The following MYRFL variants were observed in gnomAD, a reference collection of about 807,000 sequenced individuals.
The protein encoded by MYRFL is myelin regulatory factor like, also known as myelin regulatory factor-like protein.
In MYRFL, 88 loss-of-function variants were observed where a neutral mutation model predicts 109.4. That is an observed-to-expected ratio of 0.80 (90% CI 0.68 to 0.96). The LOEUF is 0.96. Among genes scored for constraint, MYRFL ranks in the 40% least tolerant of loss-of-function variants. The probability of loss-of-function intolerance (pLI) is 0.00; values close to 1 mark genes in which losing one functional copy is unlikely to be tolerated. For missense variants in MYRFL, 957 were observed against 954.9 expected, an observed-to-expected ratio of 1.00 and a Z score of -0.03; for synonymous variants, 324 against 320.9, an observed-to-expected ratio of 1.01 and a Z score of -0.10.
At chr12:69,936,390 G>T in intron 18 of MYRFL, 55 bp downstream of exon 18, 1 of 1,530,810 alleles carries the variant, frequency 6.5e-7, no homozygotes, top group South Asian at 1.2e-5. Flanking sequence ...ACTGTTAACA[G>T]AAGAAACCAG....
chr12:69,940,139 C>T (rs1004549205), intron 19 of MYRFL, among the ~76,000 whole-genome samples: 24 of 152,160 alleles, frequency 1.6e-4, no homozygotes, highest in African/African-American at 5.5e-4. Flanking sequence ...CAGGATATTA[C>T]CCAGGAGAAT....
intron 2 of MYRFL, among the ~76,000 whole-genome samples, chr12:69,862,570 G>A (rs903835686): frequency 6.7e-6 from 1 of 150,042 alleles, no homozygotes; most frequent in Admixed American, 6.6e-5. Flanking sequence ...TGGTGTATAA[G>A]AATGCTTGTG....
intron 15 of MYRFL, 85 bp from the exon 16 acceptor site, chr12:69,932,428 C>T: frequency 1.2e-6 from 1 of 852,444 alleles, no homozygotes. Context: ...GCAGCAAATA[C>T]CCCTGCTGGG....
chr12:69,862,815 C>T (rs1404099407), intron 2 of MYRFL, among the ~76,000 whole-genome samples: 2 of 152,176 alleles, frequency 1.3e-5, no homozygotes, highest in East Asian at 1.9e-4. Context: ...AGAGGGCCTC[C>T]CTGTCTTGTG....
chr12:69,895,485 C>T lies in MYRFL; in HGVS notation c.1091+4C>T. The stretch of plus-strand genomic sequence containing the variant: ...GAAAACCAAATCCAGACCAGAGGTA[C>T]TGATGTCACTGTGTGCATGGCAGTG... On this transcript the variant is annotated splice_donor_region_variant and intron_variant, in intron 9 of 24. Coordinates refer to ENST00000552032, the MANE Select transcript of MYRFL (RefSeq NM_182530.3). 1 of 1,534,080 alleles carries T rather than the reference C, an allele frequency of 6.5e-7. No individual in the cohort carries two copies. Among genetic ancestry groups the T allele is most frequent in the South Asian group, 1.2e-5 (1 of 84,012 alleles).
intron 1 of MYRFL, among the ~76,000 whole-genome samples, chr12:69,840,238 C>G (rs1000317138): frequency 6.6e-6 from 1 of 152,160 alleles, no homozygotes; most frequent in Non-Finnish European, 1.5e-5. Context: ...GTCCAGTTTG[C>G]CTTCTCTATA....
rs535104818 is a variant in MYRFL, at chr12:69,895,429, G to A, written c.1039G>A (p.Glu347Lys). Reference protein sequence around the residue: ...KVTLGRLHFSETTANNMRKKG... With the variant: ...KVTLGRLHFSKTTANNMRKKG... ...AACACTGGGACGATTACACTTCAGC[G>A]AAACCACAGCAAATAATATGAGAAA... Residue 347 changes from glutamate (E) to lysine (K), a missense_variant, in exon 9 of 25, where the codon GAA (glutamate) becomes AAA (lysine). Transcript: ENST00000552032. 7.8e-6 allele frequency: 12 copies of A among 1,535,484 alleles called. No homozygotes were observed. The highest frequency in any genetic ancestry group is 3.9e-5 in the Admixed American group (2 of 50,962).
intron 13 of MYRFL, among the ~76,000 whole-genome samples, chr12:69,923,556 A>AT (rs1954975129): frequency 6.6e-6 from 1 of 152,160 alleles, no homozygotes; most frequent in Admixed American, 6.5e-5. Flanking sequence ...ATCTTGGTTT[A>AT]TAGCACTATT....
chr12:69,957,761 A>T lies in MYRFL; in HGVS notation c.2451-61A>T, dbSNP rs1956126834. ...TTAGATCCTCCTCTTATCAAGATGT[A>T]TCCTAGTAGAAGCTGGTAACTGCTT... On this transcript the variant is annotated intron_variant, in intron 22 of 24. Coordinates refer to ENST00000552032, the MANE Select transcript of MYRFL (RefSeq NM_182530.3). 4.0e-6 allele frequency: 6 copies of T among 1,482,664 alleles called. No homozygotes were observed. The South Asian group carries it at 6.5e-5, about 16-fold the overall frequency. The allele number at this position is 1,482,664 out of a possible 1,614,324, so 91.8% of individuals were successfully genotyped here. A position where few individuals can be genotyped will look rare whatever the true frequency, so the allele number is the denominator to read the frequency against.
chr12:69,860,892 C>A (rs1187204808), intron 2 of MYRFL, among the ~76,000 whole-genome samples: 1 of 106,240 alleles, frequency 9.4e-6, no homozygotes, highest in Non-Finnish European at 1.9e-5. Context: ...CCTCCCCCCT[C>A]CCCCCTCCCC....
chr12:69,952,185 C>T lies in MYRFL; in HGVS notation c.2287+10C>T, dbSNP rs747861268. The T allele has an allele frequency of 1.2e-5, 18 of 1,535,720 alleles. No individual in the cohort carries two copies. Among genetic ancestry groups the T allele is most frequent in the Non-Finnish European group, 1.6e-5 (18 of 1,146,500 alleles). On this transcript the variant is annotated intron_variant, in intron 20 of 24. Coordinates refer to ENST00000552032, the MANE Select transcript of MYRFL (RefSeq NM_182530.3). ...GACTGGGAGAGTGACTGTAAGTTGACATTTAAGTGACACTATTCTTTGGCT... is the reference window on the plus strand; with the variant it reads ...GACTGGGAGAGTGACTGTAAGTTGATATTTAAGTGACACTATTCTTTGGCT...
chr12:69,844,146 T>C (rs1883394785), intron 1 of MYRFL, among the ~76,000 whole-genome samples: 1 of 152,222 alleles, frequency 6.6e-6, no homozygotes, highest in Non-Finnish European at 1.5e-5. Context: ...GTAATTTCCT[T>C]TGGATTTGGA....
intron 11 of MYRFL, among the ~76,000 whole-genome samples, chr12:69,908,774 A>T (rs1264863071): frequency 6.6e-6 from 1 of 152,172 alleles, no homozygotes. Flanking sequence ...TTTTATTTTA[A>T]GTTCAGGGGT....
intron 2 of MYRFL, among the ~76,000 whole-genome samples, chr12:69,864,006 A>G (rs1430173806): frequency 1.3e-5 from 2 of 152,232 alleles, no homozygotes; most frequent in African/African-American, 2.4e-5. Context: ...TTTCTGATGA[A>G]AAATAAACAG....
intron 2 of MYRFL, among the ~76,000 whole-genome samples, chr12:69,873,573 C>T (rs970579288): frequency 3.9e-5 from 6 of 152,094 alleles, no homozygotes; most frequent in Non-Finnish European, 5.9e-5. Flanking sequence ...GCAGGAAATC[C>T]GTCTTTGTCT....
chr12:69,947,140 T>C (rs1307604236), intron 19 of MYRFL: 3 of 152,144 alleles, frequency 2.0e-5, no homozygotes, highest in Non-Finnish European at 1.5e-5. Context: ...CAGCCAGATG[T>C]TTCTAAAGCA....
intron 2 of MYRFL, among the ~76,000 whole-genome samples, chr12:69,866,660 C>G (rs1286941071): frequency 6.6e-6 from 1 of 152,088 alleles, no homozygotes; most frequent in Non-Finnish European, 1.5e-5. Context: ...CAGTGTCAAC[C>G]CTTTATCTCA....
chr12:69,882,754 G>T (rs1052914471), intron 5 of MYRFL, among the ~76,000 whole-genome samples: 1 of 152,162 alleles, frequency 6.6e-6, no homozygotes, highest in African/African-American at 2.4e-5. Flanking sequence ...ATGAAAAAAG[G>T]GTTCATGGCC....
chr12:69,925,902 A>G lies in MYRFL; in HGVS notation c.1603-669A>G, dbSNP rs1955058894. ...TCTCATTTATAGATGAAGAAATGGA[A>G]GCACAGAGAGGTTATTGCATTTTGT... On this transcript the variant is annotated intron_variant, in intron 13 of 24. Coordinates refer to ENST00000552032, the MANE Select transcript of MYRFL (RefSeq NM_182530.3). Among the ~76,000 whole-genome samples, 11 of 152,334 alleles carry G rather than the reference A, an allele frequency of 7.2e-5. No homozygotes were observed. In the South Asian group the frequency reaches 2.1e-3, roughly 29 times the overall value.
Sources: gnomAD v4.1 joint callset for allele counts (sites outside exome capture counted in the v4.1 genomes callset) on GRCh38, gnomAD v4.1.1 for gene constraint, MANE v1.5 for transcripts, NCBI Gene and HGNC (gene_info 2026-07-23, HGNC 2026-07-21) for gene names.